ZNF536: variants seen among roughly 807,000 people sequenced by gnomAD.
The protein encoded by ZNF536 is zinc finger protein 536.
A neutral mutation model predicts 84.5 loss-of-function variants in ZNF536; 13 were observed. That is an observed-to-expected ratio of 0.15 (90% CI 0.10 to 0.24). The LOEUF is 0.24. Ranked by LOEUF, ZNF536 falls within the 10% of genes least tolerant of loss-of-function variation. The pLI is 1.00. For synonymous variants in ZNF536, 811 were observed against 742.5 expected, an observed-to-expected ratio of 1.09 and a Z score of -1.50; for missense variants, 1,536 against 1,747.5, an observed-to-expected ratio of 0.88 and a Z score of 2.16.
At chr19:30,528,553 C>T (rs1046226002) in intron 2 of ZNF536, among the ~76,000 whole-genome samples, 1 of 152,148 alleles carries the variant, frequency 6.6e-6, no homozygotes, top group Non-Finnish European at 1.5e-5. Context: ...CTTAATATAA[C>T]CAGGATTTGT....
chr19:30,493,086 T>C (rs940988044), intron 2 of ZNF536, among the ~76,000 whole-genome samples: 5 of 136,622 alleles, frequency 3.7e-5, no homozygotes, highest in African/African-American at 1.4e-4. Flanking sequence ...GCAATATTAC[T>C]CACTTTTTTT....
chr19:30,275,371 G>A (rs1039610055), intron 1 of ZNF536, among the ~76,000 whole-genome samples: 5 of 152,186 alleles, frequency 3.3e-5, no homozygotes, highest in African/African-American at 9.7e-5. Context: ...ACCTTTTGCT[G>A]GGGAGTAGGA....
intron 1 of ZNF536, among the ~76,000 whole-genome samples, chr19:30,280,493 G>C (rs1246228184): frequency 6.6e-6 from 1 of 152,210 alleles, no homozygotes. Flanking sequence ...GTGCTGGACT[G>C]TCCTCTGCAT....
At chr19:30,403,506 G>A (rs1420079877) in intron 1 of ZNF536, among the ~76,000 whole-genome samples, 3 of 152,204 alleles carry the variant, frequency 2.0e-5, no homozygotes, top group East Asian at 1.9e-4. Context: ...TCAGGTCCAG[G>A]AGGGAGAATT....
chr19:30,318,706 G>C (rs183532419), intron 2 of ZNF536, among the ~76,000 whole-genome samples: 1 of 152,194 alleles, frequency 6.6e-6, no homozygotes, highest in African/African-American at 2.4e-5. Flanking sequence ...ACATGTGTGC[G>C]CTTGCATGTA....
intron 1 of ZNF536, among the ~76,000 whole-genome samples, chr19:30,647,433 T>C (rs1861621843): frequency 6.6e-6 from 1 of 152,170 alleles, no homozygotes; most frequent in Non-Finnish European, 1.5e-5. Flanking sequence ...TCTAAGATGG[T>C]TCCCATCTGC....
At chr19:30,330,326 C>T (rs1444197655) in intron 2 of ZNF536, among the ~76,000 whole-genome samples, 2 of 152,200 alleles carry the variant, frequency 1.3e-5, no homozygotes, top group Non-Finnish European at 2.9e-5. Context: ...GAGGCAGAAA[C>T]TCACTCTTGA....
rs540122967 is a variant in ZNF536 at position 30,334,635 on chromosome 19, G to A, written c.-119-17733G>A. Among the ~76,000 whole-genome samples, 643 of 152,296 alleles carry A rather than the reference G, an allele frequency of 4.2e-3. 4 individuals carry two copies. Among genetic ancestry groups the A allele is most frequent in the African/African-American group, 0.015 (614 of 41,562 alleles). On this transcript the variant is annotated intron_variant, in intron 2 of 5. Transcript: ENST00000585628. Reference sequence around the variant, plus strand: ...GAATATATCCAAATACATAAGGACTGTGATCATGCTGTGAGGAGTATGACA... The same window carrying A: ...GAATATATCCAAATACATAAGGACTATGATCATGCTGTGAGGAGTATGACA...
Position 30,237,910 on chromosome 19 carries a change from G to A in ZNF536, c.-190+9237G>A, listed in dbSNP as rs577007571. Among the ~76,000 whole-genome samples the A allele has an allele frequency of 4.6e-5, 7 of 152,194 alleles. No homozygotes were observed. In the South Asian group the frequency reaches 1.5e-3, roughly 32 times the overall value. Reference sequence around the variant, plus strand: ...TCTTTTTGTTTTGTTTTAAAGCAGTGTAACACCATGATAAAGAGCTCAGGA... The same window carrying A: ...TCTTTTTGTTTTGTTTTAAAGCAGTATAACACCATGATAAAGAGCTCAGGA... On this transcript the variant is annotated intron_variant, in intron 1 of 5. Coordinates refer to the ZNF536 transcript ENST00000585628.
intron 1 of ZNF536, among the ~76,000 whole-genome samples, chr19:30,663,531 G>A (rs2050199339): frequency 6.6e-6 from 1 of 152,090 alleles, no homozygotes; most frequent in Non-Finnish European, 1.5e-5. Flanking sequence ...TTGCATTCAG[G>A]AGTTGCTAAA....
chr19:30,343,818 T>C (rs1174502726), intron 2 of ZNF536, among the ~76,000 whole-genome samples: 1 of 152,062 alleles, frequency 6.6e-6, no homozygotes, highest in East Asian at 1.9e-4. Flanking sequence ...AAGATACACA[T>C]TTCTGCCCCT....
intron 2 of ZNF536, among the ~76,000 whole-genome samples, chr19:30,493,924 G>A (rs2054611652): frequency 6.6e-6 from 1 of 152,164 alleles, no homozygotes; most frequent in Non-Finnish European, 1.5e-5. Flanking sequence ...ACTCTTCCGA[G>A]AAGCACAGAG....
Position 30,249,516 on chromosome 19 carries a change from CTG to C in ZNF536, c.-190+20844_-190+20845del, listed in dbSNP as rs201148277. Among the ~76,000 whole-genome samples, 717 of 152,210 alleles carry C rather than the reference CTG, an allele frequency of 4.7e-3. 32 individuals carry two copies. Among genetic ancestry groups the C allele is most frequent in the Admixed American group, 0.043 (657 of 15,290 alleles). The stretch of plus-strand genomic sequence containing the variant: ...CAGTTTGATTTTCCAAACAAAATAT[CTG>C]GGGCTCAGAGCACCAAATGACTTAC... On this transcript the variant is annotated intron_variant, in intron 1 of 5. Transcript: ENST00000585628.
intron 2 of ZNF536, among the ~76,000 whole-genome samples, chr19:30,459,051 C>T (rs1181268509): frequency 6.6e-6 from 1 of 152,166 alleles, no homozygotes; most frequent in East Asian, 1.9e-4. Context: ...TTGGTTTCCT[C>T]CATGTAAAAA....
intron 1 of ZNF536, among the ~76,000 whole-genome samples, chr19:30,395,945 A>G (rs1049952765): frequency 6.6e-6 from 1 of 152,198 alleles, no homozygotes; most frequent in African/African-American, 2.4e-5. Context: ...CTACATCAGT[A>G]CAATTGTTAC....
At chr19:30,237,607 A>G (rs1406859852) in intron 1 of ZNF536, among the ~76,000 whole-genome samples, 2 of 152,178 alleles carry the variant, frequency 1.3e-5, no homozygotes, top group Admixed American at 6.5e-5. Flanking sequence ...TAACCTTCAG[A>G]GTAACATGAG....
At chr19:30,703,192 C>T (rs1232050407) in intron 1 of ZNF536, among the ~76,000 whole-genome samples, 2 of 152,098 alleles carry the variant, frequency 1.3e-5, no homozygotes, top group South Asian at 2.1e-4. Context: ...GCAAAGGTCC[C>T]GGGGCAGAAA....
At chr19:30,326,985 T>C (rs1450899870) in intron 2 of ZNF536, among the ~76,000 whole-genome samples, 1 of 151,566 alleles carries the variant, frequency 6.6e-6, no homozygotes, top group African/African-American at 2.4e-5. Context: ...CACACACCTA[T>C]AGTCCCAGCT....
chr19:30,250,516 C>G (rs891160765), intron 1 of ZNF536, among the ~76,000 whole-genome samples: 1 of 152,098 alleles, frequency 6.6e-6, no homozygotes, highest in Non-Finnish European at 1.5e-5. Context: ...TTGCTGAAGT[C>G]GGGTCTGCAA....
Sources: allele counts gnomAD v4.1 joint callset (sites outside exome capture counted in the v4.1 genomes callset), GRCh38; gene constraint gnomAD v4.1.1; transcripts MANE v1.5; gene names NCBI Gene and HGNC (gene_info 2026-07-23, HGNC 2026-07-21).